OSBPL9: variants seen among roughly 807,000 people sequenced by gnomAD.
OSBPL9 encodes the protein oxysterol binding protein like 9, also known as oxysterol-binding protein-related protein 9.
Under a neutral mutation model 106.6 loss-of-function variants are expected in OSBPL9, and 40 were observed. That is an observed-to-expected ratio of 0.38 (90% CI 0.29 to 0.49). The LOEUF (loss-of-function observed/expected upper bound fraction) is 0.49, where lower values mean the gene tolerates loss of function less well. Ranked by LOEUF, OSBPL9 falls within the 20% of genes least tolerant of loss-of-function variation. The pLI is 0.97. For missense variants in OSBPL9, 609 were observed against 887.2 expected, an observed-to-expected ratio of 0.69 and a Z score of 3.98; for synonymous variants, 269 against 295.4, an observed-to-expected ratio of 0.91 and a Z score of 0.92.
intron 1 of OSBPL9, among the ~76,000 whole-genome samples, chr1:51,647,635 A>G (rs906690617): frequency 6.6e-6 from 1 of 151,968 alleles, no homozygotes; most frequent in Non-Finnish European, 1.5e-5. Context: ...GGCAGTTTAT[A>G]TCTTTCTTGG....
intron 3 of OSBPL9, among the ~76,000 whole-genome samples, chr1:51,688,046 C>T (rs1222575385): frequency 1.3e-5 from 2 of 152,082 alleles, no homozygotes; most frequent in Non-Finnish European, 2.9e-5. Flanking sequence ...TGGAACATGA[C>T]TATTCGAAGT....
intron 3 of OSBPL9, among the ~76,000 whole-genome samples, chr1:51,693,788 A>G (rs758948681): frequency 1.3e-4 from 20 of 152,228 alleles, no homozygotes; most frequent in Non-Finnish European, 2.4e-4. Context: ...ACTACTCAGC[A>G]TGTCCCAACT....
the OSBPL9 span, among the ~76,000 whole-genome samples, chr1:51,541,208 C>G: frequency 1.3e-5 from 2 of 152,142 alleles, no homozygotes; most frequent in African/African-American, 4.8e-5. Context: ...GTTGTGAAGG[C>G]AGAGGCTGAG....
chr1:51,727,495 G>T (rs546714164), intron 4 of OSBPL9, among the ~76,000 whole-genome samples: 95 of 152,290 alleles, frequency 6.2e-4, no homozygotes, highest in African/African-American at 2.0e-3. Flanking sequence ...TAGTGGTATA[G>T]ATCAACATTA....
intron 3 of OSBPL9, chr1:51,709,426 G>T: frequency 5.8e-6 from 1 of 171,090 alleles, no homozygotes; most frequent in Non-Finnish European, 1.3e-5. Flanking sequence ...GCTTCCTGAG[G>T]GGCGGCTGGG....
intron 1 of OSBPL9, among the ~76,000 whole-genome samples, chr1:51,581,586 A>G (rs1322874588): frequency 1.3e-5 from 2 of 152,112 alleles, no homozygotes; most frequent in Admixed American, 6.6e-5. Context: ...AGATTTGTCT[A>G]TTTGTCCCTG....
At chr1:51,609,029 C>T (rs139842683) in intron 2 of OSBPL9, among the ~76,000 whole-genome samples, 136 of 152,188 alleles carry the variant, frequency 8.9e-4, no homozygotes, top group Non-Finnish European at 1.1e-3. Context: ...AGTTCACTGT[C>T]TAATTCTATG....
chr1:51,672,836 G>A (rs543245077), intron 3 of OSBPL9, among the ~76,000 whole-genome samples: 54 of 152,254 alleles, frequency 3.5e-4, no homozygotes, highest in African/African-American at 1.2e-3. Flanking sequence ...GGGAGGGTGA[G>A]GGAAATGTGG....
intron 1 of OSBPL9, among the ~76,000 whole-genome samples, chr1:51,582,537 C>T (rs1343851729): frequency 2.6e-5 from 4 of 152,032 alleles, no homozygotes; most frequent in Admixed American, 1.3e-4. Context: ...ACCATGTTGG[C>T]CAGGCTGGTT....
intron 14 of OSBPL9, among the ~76,000 whole-genome samples, chr1:51,774,394 C>T (rs748973027): frequency 1.7e-4 from 26 of 152,144 alleles, no homozygotes; most frequent in Non-Finnish European, 3.2e-4. Context: ...TTTATTGGCA[C>T]AAATGGCTGT....
At chr1:51,717,955 A>C (rs1296555510) in intron 4 of OSBPL9, among the ~76,000 whole-genome samples, 2 of 152,226 alleles carry the variant, frequency 1.3e-5, no homozygotes, top group Non-Finnish European at 2.9e-5. Context: ...ATTTGGAAGC[A>C]ACCCAGGTGT....
intron 3 of OSBPL9, among the ~76,000 whole-genome samples, chr1:51,692,210 T>C (rs1047456760): frequency 2.0e-5 from 3 of 152,174 alleles, no homozygotes; most frequent in African/African-American, 7.2e-5. Flanking sequence ...CTAAGAAGGC[T>C]GAGGTGAGAG....
At chr1:51,751,990 T>C (rs944553479) in intron 8 of OSBPL9, among the ~76,000 whole-genome samples, 3 of 152,358 alleles carry the variant, frequency 2.0e-5, no homozygotes, top group Non-Finnish European at 4.4e-5. Context: ...AGTCTTCTTA[T>C]GTACAAATAC....
At chr1:51,768,143 G>A (rs560196579) in intron 12 of OSBPL9, among the ~76,000 whole-genome samples, 59 of 151,882 alleles carry the variant, frequency 3.9e-4, no homozygotes, top group African/African-American at 1.4e-3. Context: ...GGGTTTCACC[G>A]TGTTAGCCAG....
At position 51,698,562 on chromosome 1, in the gene OSBPL9, C is replaced by G. The variant is rs981534362; in HGVS notation, c.242-15441C>G. Among the ~76,000 whole-genome samples, 6 of 152,022 alleles carry G rather than the reference C, an allele frequency of 3.9e-5. No homozygotes were observed. In the East Asian group the frequency reaches 1.2e-3, roughly 29 times the overall value. On this transcript the variant is annotated intron_variant, in intron 3 of 23. Transcript: ENST00000428468. ...CTTCTTATTGTGGGTCGCAGTCAAA[C>G]AAAATTTGGAGCCCACTGGCTTAGA... is the stretch of plus-strand genomic sequence containing the variant.
At position 51,718,139 on chromosome 1, in the gene OSBPL9, G is replaced by C. The variant is rs905555108; in HGVS notation, c.318+4060G>C. Among the ~76,000 whole-genome samples, 22 of 152,116 alleles carry C rather than the reference G, an allele frequency of 1.4e-4. 1 individual carries two copies. Among genetic ancestry groups the C allele is most frequent in the Admixed American group, 1.3e-3 (20 of 15,262 alleles). On this transcript the variant is annotated intron_variant, in intron 4 of 23. Transcript: ENST00000428468. ...CTTCACATGTTCTCACTTATTTGTG[G>C]GAGCTAAAAATTAAAACAATCGAAC...
intron 3 of OSBPL9, among the ~76,000 whole-genome samples, chr1:51,683,244 G>A (rs764965003): frequency 2.6e-5 from 4 of 151,808 alleles, no homozygotes; most frequent in Non-Finnish European, 5.9e-5. Context: ...GCAATGGTGC[G>A]ATCTCGGCTC....
chr1:51,543,710 A>G, the OSBPL9 span, among the ~76,000 whole-genome samples: 2 of 152,208 alleles, frequency 1.3e-5, no homozygotes, highest in African/African-American at 4.8e-5. Context: ...TTTGAGGCTC[A>G]GAGAGTTTAA....
At chr1:51,548,690 T>C in the OSBPL9 span, among the ~76,000 whole-genome samples, 1 of 152,178 alleles carries the variant, frequency 6.6e-6, no homozygotes, top group Non-Finnish European at 1.5e-5. Context: ...ATGTCTGGCA[T>C]ACCATAATTT....
Sources: allele counts gnomAD v4.1 joint callset (sites outside exome capture counted in the v4.1 genomes callset), GRCh38; gene constraint gnomAD v4.1.1; transcripts MANE v1.5; gene names NCBI Gene and HGNC (gene_info 2026-07-23, HGNC 2026-07-21).